Variants in WIF1 observed in about 807,000 individuals in gnomAD.
WIF1 encodes the protein Wnt inhibitory factor 1.
WIF1 carries 35 observed loss-of-function variants against 53.5 expected under a neutral mutation model. That is an observed-to-expected ratio of 0.65 (90% CI 0.50 to 0.87). The LOEUF is 0.87. WIF1 is among the 40% of genes least tolerant of loss of function. WIF1 has a pLI of 0.00. For synonymous variants in WIF1, 171 were observed against 170.4 expected (o/e 1.00, Z -0.03); for missense variants, 467 against 476.8 (o/e 0.98, Z 0.19).
At chr12:65,063,016 A>G (rs1477463249) in intron 6 of WIF1, among the ~76,000 whole-genome samples, 1 of 152,188 alleles carries the variant, frequency 6.6e-6, no homozygotes, top group East Asian at 1.9e-4. Context: ...ACCTGACAAA[A>G]AAGCAACTTT....
intron 2 of WIF1, among the ~76,000 whole-genome samples, chr12:65,107,682 T>G (rs1224323560): frequency 1.3e-5 from 2 of 152,208 alleles, no homozygotes; most frequent in African/African-American, 4.8e-5. Context: ...TGGCTTCAGA[T>G]GCGAATCCTC....
At chr12:65,102,133 A>G (rs548093570) in intron 2 of WIF1, among the ~76,000 whole-genome samples, 4 of 152,220 alleles carry the variant, frequency 2.6e-5, no homozygotes, top group Admixed American at 1.3e-4. Context: ...ATCAAGATTT[A>G]ACCTGTGCTG....
intron 4 of WIF1, among the ~76,000 whole-genome samples, chr12:65,068,519 C>T (rs932472385): frequency 2.6e-5 from 4 of 151,984 alleles, no homozygotes; most frequent in African/African-American, 2.4e-5. Flanking sequence ...TGTTTTGAAA[C>T]GTTTCCTATT....
At chr12:65,056,366 C>CTTTTTTTTTTT (rs10584146) in intron 7 of WIF1, among the ~76,000 whole-genome samples, 2 of 24,264 alleles carry the variant, frequency 8.2e-5, no homozygotes, top group African/African-American at 2.8e-4. Flanking sequence ...CATTTATATC[C>CTTTTTTTTTTT]TTTTTTTTTT....
chr12:65,074,309 C>T (rs1375017637), intron 3 of WIF1, among the ~76,000 whole-genome samples: 2 of 151,560 alleles, frequency 1.3e-5, no homozygotes, highest in Non-Finnish European at 2.9e-5. Context: ...AATTCAAAGA[C>T]GCAAGATTTA....
chr12:65,111,141 C>T (rs1883424938), intron 2 of WIF1, among the ~76,000 whole-genome samples: 1 of 152,146 alleles, frequency 6.6e-6, no homozygotes, highest in Non-Finnish European at 1.5e-5. Context: ...ATGAGGCACT[C>T]CTTGTTCCTG....
rs761097523 is a variant in WIF1 at position 65,062,507 on chromosome 12, C to A, written c.800G>T (p.Gly267Val). Residue 267 changes from glycine to valine, a missense_variant, in exon 7 of 10, where the codon GGA becomes GTA. Gly to Val is a moderately radical substitution (Grantham distance 109). Coordinates refer to ENST00000286574, the MANE Select transcript of WIF1 (RefSeq NM_007191.5). ...FYPGKCICPPGLEGEQCEISK... is the reference protein window; with the variant it reads ...FYPGKCICPPVLEGEQCEISK... Reference sequence around the variant, plus strand: ...GATTTCACACTGCTCTCCCTCTAGTCCTGGAGGGCAAATACATTTTCCAGG... The same window carrying A: ...GATTTCACACTGCTCTCCCTCTAGTACTGGAGGGCAAATACATTTTCCAGG... 1 of 1,607,956 alleles carries A rather than the reference C, an allele frequency of 6.2e-7. No homozygotes were observed. The highest frequency in any genetic ancestry group is 1.3e-5 in the African/African-American group (1 of 74,836).
intron 2 of WIF1, among the ~76,000 whole-genome samples, chr12:65,111,024 A>C (rs1234352197): frequency 6.6e-6 from 1 of 152,196 alleles, no homozygotes; most frequent in African/African-American, 2.4e-5. Flanking sequence ...TTCTAGGCAG[A>C]GGAAACTTCA....
In WIF1 at chr12:65,055,699, T is replaced by TG. The variant is rs572159938; in HGVS notation, c.922+331dup. Among the ~76,000 whole-genome samples, 241 of 152,204 alleles carry TG rather than the reference T, an allele frequency of 1.6e-3. 1 individual carries two copies. Among genetic ancestry groups the TG allele is most frequent in the Non-Finnish European group, 2.7e-3 (185 of 67,994 alleles). ...CCGAGGCAGGGGAATCGCTTACACC[T>TG]GGGGGGCGGAGGTTTCAATGGGCCT... is the stretch of plus-strand genomic sequence containing the variant. On this transcript the variant is annotated intron_variant, in intron 8 of 9. Coordinates refer to ENST00000286574, the MANE Select transcript of WIF1 (RefSeq NM_007191.5).
chr12:65,058,749 C>T (rs1445167347), intron 7 of WIF1, among the ~76,000 whole-genome samples: 3 of 152,106 alleles, frequency 2.0e-5, no homozygotes, highest in African/African-American at 4.8e-5. Flanking sequence ...CACATTTTTA[C>T]TTAAAGAGAC....
chr12:65,055,990 G>A (rs779981851), intron 8 of WIF1, 41 bp downstream of exon 8: 3 of 1,575,378 alleles, frequency 1.9e-6, no homozygotes, highest in South Asian at 1.1e-5. Context: ...CTAGTTTAAC[G>A]ACCTAGTAGC....
intron 2 of WIF1, among the ~76,000 whole-genome samples, chr12:65,107,484 C>T (rs1883368239): frequency 2.0e-5 from 3 of 152,096 alleles, no homozygotes; most frequent in African/African-American, 4.8e-5. Context: ...ATTAGCCAGG[C>T]ATGGTAGCTC....
chr12:65,093,923 C>T lies in WIF1; in HGVS notation c.289-16069G>A, dbSNP rs983338097. ...TAACACACCATTACCAAAGAATAAC[C>T]TTTTGATTATGATCTCATGAAAGTA... On this transcript the variant is annotated intron_variant, in intron 2 of 9. Coordinates refer to ENST00000286574, the MANE Select transcript of WIF1 (RefSeq NM_007191.5). Among the ~76,000 whole-genome samples, 3 of 152,264 alleles carry T rather than the reference C, an allele frequency of 2.0e-5. No individual in the cohort carries two copies. In the East Asian group the frequency reaches 5.8e-4, roughly 29 times the overall value.
At chr12:65,100,032 A>G (rs949843848) in intron 2 of WIF1, among the ~76,000 whole-genome samples, 1 of 152,204 alleles carries the variant, frequency 6.6e-6, no homozygotes, top group African/African-American at 2.4e-5. Flanking sequence ...AAAAATATTT[A>G]TGAATAAATG....
chr12:65,062,630 CAAATTTCACTTAAAG>C, intron 6 of WIF1, 54 bp from the exon 7 acceptor site: 1 of 1,499,596 alleles, frequency 6.7e-7, no homozygotes, highest in South Asian at 1.2e-5. Flanking sequence ...AAATCTAACA[CAAATTTCACTTAAAG>C]TGAGGTGCTA....
chr12:65,090,493 C>T (rs899606251), intron 2 of WIF1, among the ~76,000 whole-genome samples: 8 of 152,002 alleles, frequency 5.3e-5, no homozygotes, highest in African/African-American at 1.9e-4. Context: ...AGTAAAAAAT[C>T]GAGACTGTGA....
Position 65,074,758 on chromosome 12 carries a change from G to A in WIF1, c.397+2988C>T, listed in dbSNP as rs191624858. On this transcript the variant is annotated intron_variant, in intron 3 of 9. Transcript: ENST00000286574. The stretch of plus-strand genomic sequence containing the variant: ...CTTTAACTCAGGAGGTGGAGGTTGC[G>A]GTGAGTTGAGACCCGCACCACTGCA... Among the ~76,000 whole-genome samples, 736 of 143,306 alleles carry A rather than the reference G, an allele frequency of 5.1e-3. 9 individuals carry two copies. The highest frequency in any genetic ancestry group is 0.018 in the African/African-American group (691 of 39,098). 94.0% of individuals were successfully genotyped at this position (143,306 alleles called of 152,430 possible).
intron 3 of WIF1, among the ~76,000 whole-genome samples, chr12:65,070,212 A>G (rs1882752371): frequency 6.6e-6 from 1 of 152,170 alleles, no homozygotes; most frequent in Non-Finnish European, 1.5e-5. Context: ...GTCAGTGTTC[A>G]TTGCTATGCC....
At chr12:65,106,042 G>C (rs1181684068) in intron 2 of WIF1, among the ~76,000 whole-genome samples, 3 of 152,188 alleles carry the variant, frequency 2.0e-5, no homozygotes, top group African/African-American at 7.2e-5. Context: ...TCAAATCTGA[G>C]AAGCAGACTT....
Sources: gnomAD v4.1 joint callset for allele counts (sites outside exome capture counted in the v4.1 genomes callset) on GRCh38, gnomAD v4.1.1 for gene constraint, MANE v1.5 for transcripts, NCBI Gene and HGNC (gene_info 2026-07-23, HGNC 2026-07-21) for gene names.